ABLIM3: variants seen among roughly 807,000 people sequenced by gnomAD.
ABLIM3 encodes the protein actin binding LIM protein family member 3.
Under a neutral mutation model 109.5 loss-of-function variants are expected in ABLIM3, and 61 were observed. The observed-to-expected ratio is 0.56, with a 90% CI of 0.45 to 0.69. ABLIM3 has a LOEUF of 0.69. Among genes scored for constraint, ABLIM3 ranks in the 30% least tolerant of loss-of-function variants. ABLIM3 has a pLI of 0.00. For missense variants in ABLIM3, 796 were observed against 889.5 expected (o/e 0.89, Z 1.34); for synonymous variants, 300 against 324.8 (o/e 0.92, Z 0.82).
At chr5:149,233,438 A>T in intron 10 of ABLIM3, 138 bp downstream of exon 10, 5 of 908,220 alleles carry the variant, frequency 5.5e-6, no homozygotes, top group Non-Finnish European at 8.8e-6. Flanking sequence ...TAGGCTCTGT[A>T]CCAGGTCTTG....
chr5:149,143,293 G>A (rs1029684593), intron 2 of ABLIM3, among the ~76,000 whole-genome samples: 1 of 151,442 alleles, frequency 6.6e-6, no homozygotes, highest in Non-Finnish European at 1.5e-5. Context: ...AACCTGGGAG[G>A]CAGAGGTTGC....
intron 2 of ABLIM3, among the ~76,000 whole-genome samples, chr5:149,152,903 A>G (rs950926875): frequency 5.9e-5 from 9 of 152,048 alleles, no homozygotes; most frequent in Non-Finnish European, 1.0e-4. Flanking sequence ...AGATCATGCC[A>G]ACATAATTTC....
chr5:149,227,463 C>T (rs1761426692), intron 8 of ABLIM3, among the ~76,000 whole-genome samples: 1 of 152,168 alleles, frequency 6.6e-6, no homozygotes, highest in Non-Finnish European at 1.5e-5. Context: ...AGCTAGAGCT[C>T]TGCCTTATAA....
At position 149,183,512 on chromosome 5, in the gene ABLIM3, G is replaced by A. The variant is rs145212062; in HGVS notation, c.74G>A (p.Arg25His). The A allele has an allele frequency of 1.4e-5, 23 of 1,599,120 alleles. No homozygotes were observed. The highest frequency in any genetic ancestry group is 4.1e-5 in the African/African-American group (3 of 73,862). Residue 25 changes from arginine to histidine, a missense_variant, in exon 3 of 24, where the codon CGC becomes CAC. By Grantham distance (29) the Arg-to-His change is conservative (BLOSUM62 0). Transcript: ENST00000309868. ...AGCTCCAATGTCATCCAGTGCTACC[G>A]CTGTGGAGACACCTGCAAAGGGGAA... Reference protein sequence around the residue: ...RGSSNVIQCYRCGDTCKGEVV... With the variant: ...RGSSNVIQCYHCGDTCKGEVV...
chr5:149,188,803 C>G (rs896290401), intron 3 of ABLIM3, among the ~76,000 whole-genome samples: 1 of 152,128 alleles, frequency 6.6e-6, no homozygotes, highest in Non-Finnish European at 1.5e-5. Flanking sequence ...GAATTCAGTC[C>G]ATAGAAAATG....
intron 8 of ABLIM3, among the ~76,000 whole-genome samples, chr5:149,224,471 C>A (rs1489684335): frequency 1.3e-5 from 2 of 152,184 alleles, no homozygotes; most frequent in Non-Finnish European, 1.5e-5. Flanking sequence ...CCCGAGGTGC[C>A]CTTGTCCCTG....
At position 149,233,230 on chromosome 5, in the gene ABLIM3, A is replaced by C. The variant is rs750006877; in HGVS notation, c.818A>C (p.His273Pro). The change falls in exon 10 of 24, where the codon CAT (histidine) becomes CCT (proline). Residue 273 changes from histidine to proline, a missense_variant and splice_region_variant. His to Pro is a moderately conservative substitution (Grantham distance 77, BLOSUM62 -2). Coordinates refer to ENST00000309868, the MANE Select transcript of ABLIM3 (RefSeq NM_014945.5). ...QAARAEKKLK[H>P]RRTSETSISP... ...TTTCTGTCTTCATCTCTCTCACAGC[A>C]TAGACGGACATCTGAAACCTCCATC... is the stretch of plus-strand genomic sequence containing the variant. 6.2e-7 allele frequency: 1 copy of C among 1,614,182 alleles called. No homozygotes were observed. The highest frequency in any genetic ancestry group is 8.5e-7 in the Non-Finnish European group (1 of 1,180,018).
At chr5:149,231,373 G>A (rs969068202) in intron 9 of ABLIM3, among the ~76,000 whole-genome samples, 15 of 152,166 alleles carry the variant, frequency 9.9e-5, no homozygotes, top group Admixed American at 2.6e-4. Flanking sequence ...GGAAGGATCC[G>A]GCTTCTGGGT....
chr5:149,196,636 A>T (rs866459674), intron 3 of ABLIM3, among the ~76,000 whole-genome samples: 3 of 152,220 alleles, frequency 2.0e-5, no homozygotes, highest in Non-Finnish European at 2.9e-5. Flanking sequence ...CAGGATTTGA[A>T]TGGGCACCGC....
intron 5 of ABLIM3, among the ~76,000 whole-genome samples, chr5:149,205,116 A>C (rs1758845877): frequency 6.6e-6 from 1 of 152,242 alleles, no homozygotes; most frequent in Non-Finnish European, 1.5e-5. Flanking sequence ...GAGAAACTAT[A>C]GTTGTCTTTA....
chr5:149,212,107 T>C (rs1412507511), intron 7 of ABLIM3, among the ~76,000 whole-genome samples: 2 of 152,188 alleles, frequency 1.3e-5, no homozygotes, highest in Admixed American at 6.5e-5. Flanking sequence ...GGTTTTATAC[T>C]CAGTGCAATG....
At position 149,239,740 on chromosome 5, in the gene ABLIM3, G is replaced by A. The variant is rs150879549; in HGVS notation, c.1075-19G>A. 69 of 1,577,948 alleles carry A rather than the reference G, an allele frequency of 4.4e-5. No homozygotes were observed. The African/African-American group carries it at 8.8e-4, about 20-fold the overall frequency. ...CACTTAACAGCCAGCCATGCTCACAGCCCCATTTCCTCTCCCAGGACATCT... is the reference window on the plus strand; with the variant it reads ...CACTTAACAGCCAGCCATGCTCACAACCCCATTTCCTCTCCCAGGACATCT... On this transcript the variant is annotated intron_variant, in intron 12 of 23. Coordinates refer to ENST00000309868, the MANE Select transcript of ABLIM3 (RefSeq NM_014945.5).
At chr5:149,216,514 G>A (rs1760103892) in intron 7 of ABLIM3, 1 of 142,268 alleles carries the variant, frequency 7.0e-6, no homozygotes, top group South Asian at 2.3e-4. Context: ...ATAGAGGACT[G>A]AAAAGATCTT....
chr5:149,152,517 G>A (rs1327739710), intron 2 of ABLIM3, among the ~76,000 whole-genome samples: 3 of 152,112 alleles, frequency 2.0e-5, no homozygotes, highest in Non-Finnish European at 4.4e-5. Flanking sequence ...GATACAGTTA[G>A]GCAAATAACA....
chr5:149,162,259 G>A (rs1034317154), intron 2 of ABLIM3, among the ~76,000 whole-genome samples: 10 of 152,072 alleles, frequency 6.6e-5, no homozygotes, highest in Non-Finnish European at 1.5e-4. Context: ...AATACAACTC[G>A]ACACAGAAAT....
intron 20 of ABLIM3, 100 bp from the exon 21 acceptor site, chr5:149,251,259 G>A: frequency 7.5e-7 from 1 of 1,340,248 alleles, no homozygotes; most frequent in East Asian, 2.4e-5. Context: ...AAGGCCCTAT[G>A]TCCCACAAGC....
chr5:149,203,545 C>T (rs573647105), intron 5 of ABLIM3, among the ~76,000 whole-genome samples: 1 of 152,178 alleles, frequency 6.6e-6, no homozygotes, highest in East Asian at 1.9e-4. Context: ...ACCATCATCA[C>T]TACCATCACC....
rs79144594 is a variant in ABLIM3 at position 149,169,758 on chromosome 5, G to C, written c.14-13694G>C. On this transcript the variant is annotated intron_variant, in intron 2 of 23. Transcript: ENST00000309868. ...CCCCACTGGAGGGTGAGTCACATGA[G>C]AGCAGGGGCCATGTTCACCTGGTTC... Among the ~76,000 whole-genome samples the C allele has an allele frequency of 0.012, 1,810 of 152,278 alleles. 79 individuals are homozygous for C. The East Asian group carries it at 0.16, about 13-fold the overall frequency.
intron 3 of ABLIM3, among the ~76,000 whole-genome samples, chr5:149,184,070 GT>G (rs1190286864): frequency 6.6e-6 from 1 of 151,912 alleles, no homozygotes; most frequent in African/African-American, 2.4e-5. Context: ...CCTTGGTAAG[GT>G]TTGCAATTTG....
Sources: allele counts gnomAD v4.1 joint callset (sites outside exome capture counted in the v4.1 genomes callset), GRCh38; gene constraint gnomAD v4.1.1; transcripts MANE v1.5; gene names NCBI Gene and HGNC (gene_info 2026-07-23, HGNC 2026-07-21).